The following FSCN2 variants were observed in gnomAD, a reference collection of about 807,000 sequenced individuals.
FSCN2 encodes the protein fascin-2.
In FSCN2, 46 loss-of-function variants were observed where a neutral mutation model predicts 37.8. The ratio of observed to expected loss-of-function variants is 1.22; its 90% CI spans 0.96 to 1.56. The LOEUF (loss-of-function observed/expected upper bound fraction) is 1.56. FSCN2 is among the 40% of genes most tolerant of loss of function. The pLI, the probability that FSCN2 is intolerant of heterozygous loss-of-function variation, is 0.00. For synonymous variants in FSCN2, 351 were observed against 309.4 expected (o/e 1.13, Z -1.41); for missense variants, 844 against 730.4 (o/e 1.16, Z -1.79).
chr17:81,532,128 ATAG>A (rs1598575560), intron 1 of FSCN2, among the ~76,000 whole-genome samples: 1 of 117,704 alleles, frequency 8.5e-6, no homozygotes, highest in East Asian at 2.8e-4. Context: ...GATGGTGATG[ATAG>A]TGATGGTGAT....
chr17:81,536,951 C>T lies in FSCN2; in HGVS notation c.1350C>T (p.Val450=), dbSNP rs917893124. The part of the protein sequence containing the change: ...CSDGERAEDF[V]FEFRERGRLA... ...ACGGCGAACGCGCCGAGGACTTCGT[C>T]TTCGAGTTCCGTGAGCGCGGCCGCC... Residue 450 remains valine (V), a synonymous_variant, in exon 5 of 5, where the codon GTC becomes GTT. Coordinates refer to ENST00000417245, the MANE Select transcript of FSCN2 (RefSeq NM_012418.4). The T allele has an allele frequency of 1.3e-6, 2 of 1,563,758 alleles. No individual in the cohort carries two copies. Among genetic ancestry groups the T allele is most frequent in the Non-Finnish European group, 1.7e-6 (2 of 1,162,998 alleles).
chr17:81,531,486 A>ATGATGG (rs754999869), intron 1 of FSCN2, among the ~76,000 whole-genome samples: 5 of 79,394 alleles, frequency 6.3e-5, no homozygotes, highest in Middle Eastern at 0.01. Context: ...GGTGATGGTG[A>ATGATGG]TGATGGTGAT....
chr17:81,515,513 C>T, the FSCN2 span, among the ~76,000 whole-genome samples: 1 of 152,226 alleles, frequency 6.6e-6, no homozygotes, highest in Non-Finnish European at 1.5e-5. Context: ...TTATCATGAC[C>T]TTGTTATGTC....
In FSCN2 at chr17:81,536,986, G is replaced by C. The variant is rs1318659748; in HGVS notation, c.1385G>C (p.Arg462Pro). The C allele has an allele frequency of 1.3e-6, 2 of 1,529,084 alleles. No individual in the cohort carries two copies. Among genetic ancestry groups the C allele is most frequent in the East Asian group, 5.2e-5 (2 of 38,366 alleles). 94.7% of individuals were successfully genotyped at this position (1,529,084 alleles called of 1,614,324 possible). A position where few individuals can be genotyped will look rare whatever the true frequency, so the allele number is the denominator to read the frequency against. Residue 462 changes from arginine to proline, a missense_variant, in exon 5 of 5, where the codon CGC becomes CCC. Physicochemically the swap from Arg to Pro is moderately radical, Grantham distance 103. Transcript: ENST00000417245. ...EFRERGRLAI[R>P]ARSGKYLRGG... is the part of the protein sequence containing the mutation. Reference sequence around the variant, plus strand: ...CGTGAGCGCGGCCGCCTGGCCATCCGCGCCCGGAGCGGCAAGTACCTGCGC... The same window carrying C: ...CGTGAGCGCGGCCGCCTGGCCATCCCCGCCCGGAGCGGCAAGTACCTGCGC...
chr17:81,516,429 T>C, the FSCN2 span, among the ~76,000 whole-genome samples: 1 of 152,348 alleles, frequency 6.6e-6, no homozygotes, highest in Non-Finnish European at 1.5e-5. Context: ...AAAGCTTCCC[T>C]ACTCTCAGCC....
At chr17:81,515,654 T>C in the FSCN2 span, among the ~76,000 whole-genome samples, 1 of 152,166 alleles carries the variant, frequency 6.6e-6, no homozygotes, top group Admixed American at 6.5e-5. Flanking sequence ...CTTGCCCTGT[T>C]CCTCCCTCTG....
chr17:81,518,168 C>T, the FSCN2 span, among the ~76,000 whole-genome samples: 2 of 152,202 alleles, frequency 1.3e-5, no homozygotes, highest in Admixed American at 6.5e-5. Flanking sequence ...CCCTGACCAC[C>T]GTCTGGCTGT....
the FSCN2 span, among the ~76,000 whole-genome samples, chr17:81,515,311 G>A: frequency 1.3e-5 from 2 of 152,224 alleles, no homozygotes; most frequent in African/African-American, 4.8e-5. Flanking sequence ...AGAGGGCCGG[G>A]CAGCTGGGCC....
upstream of FSCN2, chr17:81,527,910 C>G (rs74006325): frequency 0.11 from 17,456 of 154,804 alleles, 1,741 homozygotes; most frequent in African/African-American, 0.26. Context: ...CAGGTTGTGG[C>G]TGGGGTCCTT....
chr17:81,531,732 G>GTGATGA (rs1568078062), intron 1 of FSCN2, among the ~76,000 whole-genome samples: 3 of 122,894 alleles, frequency 2.4e-5, no homozygotes, highest in East Asian at 2.5e-4. Context: ...GATGGTGATG[G>GTGATGA]TGATGATGGT....
rs766907898 is a variant in FSCN2 at position 81,536,599 on chromosome 17, G to A, written c.1106-23G>A. The A allele has an allele frequency of 3.0e-5, 48 of 1,605,482 alleles. No individual in the cohort carries two copies. The highest frequency in any genetic ancestry group is 5.3e-5 in the African/African-American group (4 of 74,890). On this transcript the variant is annotated intron_variant, in intron 3 of 4. Transcript: ENST00000417245. Reference sequence around the variant, plus strand: ...CAGGGAAGGTGGCGGGAGGGGCAGCGCAGCAGACGCTCTCCCCGCCAGGCA... The same window carrying A: ...CAGGGAAGGTGGCGGGAGGGGCAGCACAGCAGACGCTCTCCCCGCCAGGCA...
rs1307596494 is a variant in FSCN2, at chr17:81,532,074, GTGGTGA to G, written c.826+2732_826+2737del. ...GATGGTGATGGTGATGATAGTGATG[GTGGTGA>G]TGGTGATGGTGATGATGGTGATGAT... is the stretch of plus-strand genomic sequence containing the variant. On this transcript the variant is annotated intron_variant, in intron 1 of 4. Coordinates refer to ENST00000417245, the MANE Select transcript of FSCN2 (RefSeq NM_012418.4). 3.0e-3 allele frequency among the ~76,000 whole-genome samples: 399 copies of G among 131,258 alleles called. 3 individuals are homozygous for G. The highest frequency in any genetic ancestry group is 9.8e-3 in the African/African-American group (342 of 34,812). 86.1% of individuals were successfully genotyped at this position (131,258 alleles called of 152,430 possible). A position where few individuals can be genotyped will look rare whatever the true frequency, so the allele number is the denominator to read the frequency against.
the FSCN2 span, among the ~76,000 whole-genome samples, chr17:81,520,569 G>A: frequency 6.6e-6 from 1 of 152,278 alleles, no homozygotes; most frequent in Non-Finnish European, 1.5e-5. Flanking sequence ...ATCGGCAAGT[G>A]CCTTGAGCTC....
At chr17:81,526,464 C>G (rs2032353359), upstream of FSCN2, among the ~76,000 whole-genome samples, 4 of 152,186 alleles carry the variant, frequency 2.6e-5, no homozygotes, top group South Asian at 8.3e-4. Flanking sequence ...AACCCCATCT[C>G]TACTAAAAAT....
chr17:81,522,715 C>G, the FSCN2 span, among the ~76,000 whole-genome samples: 1 of 152,230 alleles, frequency 6.6e-6, no homozygotes, highest in Non-Finnish European at 1.5e-5. Context: ...CACCTGCAGA[C>G]CTGTGGGCTC....
At chr17:81,531,399 G>GTGATGGTGA (rs2032578684) in intron 1 of FSCN2, among the ~76,000 whole-genome samples, 2 of 98,054 alleles carry the variant, frequency 2.0e-5, no homozygotes, top group Non-Finnish European at 4.3e-5. Context: ...GGTGATGATG[G>GTGATGGTGA]TGATGGTGAT....
chr17:81,531,504 G>GTGGTGA (rs1174668285), intron 1 of FSCN2, among the ~76,000 whole-genome samples: 3 of 113,028 alleles, frequency 2.7e-5, no homozygotes, highest in African/African-American at 9.3e-5. Flanking sequence ...GATGGTGATG[G>GTGGTGA]TGGTGATGGT....
upstream of FSCN2, among the ~76,000 whole-genome samples, chr17:81,524,072 T>C (rs187417343): frequency 2.6e-4 from 40 of 152,254 alleles, no homozygotes; most frequent in East Asian, 7.2e-3. Context: ...AGGGGGACCC[T>C]GGAGCACCAG....
At chr17:81,517,545 CTG>C in the FSCN2 span, among the ~76,000 whole-genome samples, 1 of 152,182 alleles carries the variant, frequency 6.6e-6, no homozygotes, top group African/African-American at 2.4e-5. Context: ...CTCAGTGCCT[CTG>C]TGTGTCGTGT....
Sources: allele counts gnomAD v4.1 joint callset (sites outside exome capture counted in the v4.1 genomes callset), GRCh38; gene constraint gnomAD v4.1.1; transcripts MANE v1.5; gene names NCBI Gene and HGNC (gene_info 2026-07-23, HGNC 2026-07-21).